The following FBN2 variants were observed in gnomAD, a reference collection of about 807,000 sequenced individuals.
The protein encoded by FBN2 is fibrillin-2.
A neutral mutation model predicts 355.6 loss-of-function variants in FBN2; 105 were observed. The observed-to-expected ratio is 0.30, with a 90% confidence interval of 0.25 to 0.35. The LOEUF (loss-of-function observed/expected upper bound fraction) is 0.35, where lower values mean the gene tolerates loss of function less well. FBN2 is among the 10% of genes least tolerant of loss of function. FBN2 has a pLI of 1.00. For synonymous variants in FBN2, 1,350 were observed against 1,301.2 expected (o/e 1.04, Z -0.81); for missense variants, 3,280 against 3,758.7 (o/e 0.87, Z 3.33).
rs937649756 is a variant in FBN2 at position 128,257,935 on chromosome 5, A to G, written c.*1520T>C. 1.3e-5 allele frequency: 2 copies of G among 152,656 alleles called. No homozygotes were observed. The highest frequency in any genetic ancestry group is 2.4e-5 in the African/African-American group (1 of 41,454). The allele number at this position is 152,656 out of a possible 1,614,324, so 9.5% of individuals were successfully genotyped here. ...ACCCCAAAATAAGCTTTATTGCAAG[A>G]AAAGTGTCATATTTGATACACAGAC... On this transcript the variant is annotated 3_prime_UTR_variant, in exon 65 of 65. Transcript: ENST00000262464.
At chr5:128,457,286 G>A (rs926556690) in intron 6 of FBN2, among the ~76,000 whole-genome samples, 1 of 152,136 alleles carries the variant, frequency 6.6e-6, no homozygotes, top group Non-Finnish European at 1.5e-5. Flanking sequence ...AAAGCTTCCA[G>A]GAAACATGAG....
At chr5:128,303,572 T>C (rs1178230913) in intron 45 of FBN2, among the ~76,000 whole-genome samples, 1 of 152,220 alleles carries the variant, frequency 6.6e-6, no homozygotes, top group Non-Finnish European at 1.5e-5. Context: ...TAGAATTCAC[T>C]ATTAGCCTTC....
At chr5:128,398,594 A>G (rs1752710422) in intron 8 of FBN2, among the ~76,000 whole-genome samples, 2 of 152,170 alleles carry the variant, frequency 1.3e-5, no homozygotes, top group Admixed American at 6.5e-5. Context: ...ATATATGAAT[A>G]TATTATCTTC....
At chr5:128,531,920 A>C (rs1756720538) in intron 2 of FBN2, among the ~76,000 whole-genome samples, 2 of 152,186 alleles carry the variant, frequency 1.3e-5, no homozygotes, top group Admixed American at 1.3e-4. Context: ...TTATCAATAC[A>C]GGTTGTCTCT....
At position 128,305,923 on chromosome 5, in the gene FBN2, T is replaced by C. The variant is rs138022198; in HGVS notation, c.5448A>G (p.Pro1816=). The C allele has an allele frequency of 6.3e-4, 1,017 of 1,613,800 alleles. 6 individuals carry two copies. In the Middle Eastern group the frequency reaches 7.3e-3, roughly 12 times the overall value. ...AVDIDECKEI[P]GICANGVCIN... is the part of the protein sequence containing the mutation. ...TGCACACACCATTTGCACAAATGCC[T>C]GGAATCTCTTTACATTCATCAATGT... The change falls in exon 43 of 65, where the codon CCA becomes CCG. Residue 1816 remains proline, a synonymous_variant. Transcript: ENST00000262464.
chr5:128,289,812 T>C (rs1749270416), intron 51 of FBN2, 70 bp downstream of exon 51: 1 of 912,826 alleles, frequency 1.1e-6, no homozygotes, highest in Middle Eastern at 2.6e-4. Context: ...TAGCATGAGT[T>C]ATAAAATAAA....
chr5:128,521,640 T>G (rs1325248175), intron 4 of FBN2, among the ~76,000 whole-genome samples: 1 of 152,218 alleles, frequency 6.6e-6, no homozygotes, highest in South Asian at 2.1e-4. Context: ...TTTCTTTAAA[T>G]GCTATTGAGC....
At chr5:128,525,628 TTC>T (rs1756540794) in intron 4 of FBN2, among the ~76,000 whole-genome samples, 5 of 152,114 alleles carry the variant, frequency 3.3e-5, no homozygotes, top group Admixed American at 3.3e-4. Context: ...ACGTATTGTA[TTC>T]TCTTAAAAAC....
intron 5 of FBN2, among the ~76,000 whole-genome samples, chr5:128,493,444 G>C (rs907080789): frequency 2.6e-5 from 4 of 152,286 alleles, no homozygotes; most frequent in African/African-American, 9.6e-5. Context: ...CAGTGTTTCA[G>C]ACACTGGGTA....
chr5:128,322,386 T>C (rs1158898234), intron 34 of FBN2, among the ~76,000 whole-genome samples: 1 of 152,234 alleles, frequency 6.6e-6, no homozygotes, highest in African/African-American at 2.4e-5. Context: ...TGGTATTGCC[T>C]AGGTTTTCTT....
intron 7 of FBN2, among the ~76,000 whole-genome samples, chr5:128,423,164 T>C (rs971936108): frequency 2.1e-4 from 32 of 152,048 alleles, no homozygotes; most frequent in Admixed American, 3.3e-4. Context: ...ACAGTTAAAT[T>C]GAAACAGATA....
Position 128,537,470 on chromosome 5 carries a change from T to G in FBN2, c.134A>C (p.Gln45Pro), listed in dbSNP as rs774411616. The G allele has an allele frequency of 2.5e-6, 4 of 1,602,532 alleles. No individual in the cohort carries two copies. The East Asian group carries it at 9.0e-5, about 36-fold the overall frequency. The change falls in exon 1 of 65, where the codon CAA (glutamine) becomes CCA (proline). Residue 45 changes from glutamine to proline, a missense_variant. Physicochemically the swap from Gln to Pro is moderately conservative, Grantham distance 76 (BLOSUM62 -1). Transcript: ENST00000262464. ...GCCTGCTGTAGCGGACCGAACCTGT[T>G]GCGGCGGCGGCTGGGGCCGGGGCGG... is the stretch of plus-strand genomic sequence containing the variant. ...PKPPRPQPPPQQVRSATAGSE... is the reference protein window; with the variant it reads ...PKPPRPQPPPPQVRSATAGSE...
chr5:128,405,293 G>C (rs1037332836), intron 8 of FBN2, among the ~76,000 whole-genome samples: 1 of 152,164 alleles, frequency 6.6e-6, no homozygotes, highest in African/African-American at 2.4e-5. Context: ...TTCGGGCAGA[G>C]GGGGTACTGC....
At chr5:128,428,108 C>T (rs919711402) in intron 7 of FBN2, among the ~76,000 whole-genome samples, 12 of 152,130 alleles carry the variant, frequency 7.9e-5, no homozygotes, top group African/African-American at 2.2e-4. Context: ...TCAACCACTT[C>T]TCATCACTTT....
intron 59 of FBN2, among the ~76,000 whole-genome samples, chr5:128,275,003 A>G (rs1765353682): frequency 6.6e-6 from 1 of 152,238 alleles, no homozygotes; most frequent in Admixed American, 6.5e-5. Flanking sequence ...TGAATGCAGT[A>G]TAGTACATGG....
intron 34 of FBN2, among the ~76,000 whole-genome samples, chr5:128,326,708 A>AT (rs1476015410): frequency 2.0e-5 from 3 of 152,178 alleles, no homozygotes; most frequent in African/African-American, 4.8e-5. Context: ...ATGGAATTAC[A>AT]TTTTTTGGAT....
At chr5:128,457,681 G>T (rs183715867) in intron 6 of FBN2, among the ~76,000 whole-genome samples, 376 of 152,086 alleles carry the variant, frequency 2.5e-3, no homozygotes, top group Non-Finnish European at 4.3e-3. Context: ...TCTCAACACA[G>T]AATTTCACAT....
intron 5 of FBN2, among the ~76,000 whole-genome samples, chr5:128,491,594 T>C (rs578249012): frequency 6.6e-6 from 1 of 152,356 alleles, no homozygotes; most frequent in South Asian, 2.1e-4. Context: ...ACTTAGTTGA[T>C]AGAAAAGCTT....
Position 128,319,077 on chromosome 5 carries a change from G to T in FBN2, c.4472-76C>A, listed in dbSNP as rs530820294. 5,204 of 1,156,466 alleles carry T rather than the reference G, an allele frequency of 4.5e-3. 27 individuals carry two copies. The highest frequency in any genetic ancestry group is 6.1e-3 in the Non-Finnish European group (4,749 of 780,016). 71.6% of individuals were successfully genotyped at this position (1,156,466 alleles called of 1,614,324 possible). On this transcript the variant is annotated intron_variant, in intron 34 of 64. Coordinates refer to ENST00000262464, the MANE Select transcript of FBN2 (RefSeq NM_001999.4). Reference sequence around the variant, plus strand: ...TTTTAATGTAATGTCTAACATTAGCGCATTTTTCTGCCCCCTCAGATGTTT... The same window carrying T: ...TTTTAATGTAATGTCTAACATTAGCTCATTTTTCTGCCCCCTCAGATGTTT...
Sources: allele counts gnomAD v4.1 joint callset (sites outside exome capture counted in the v4.1 genomes callset), GRCh38; gene constraint gnomAD v4.1.1; transcripts MANE v1.5; gene names NCBI Gene and HGNC (gene_info 2026-07-23, HGNC 2026-07-21).